GLI3: variants seen among roughly 807,000 people sequenced by gnomAD.
GLI3 encodes GLI family zinc finger 3, also known as transcription activator GLI3.
Under a neutral mutation model 100.8 loss-of-function variants are expected in GLI3, and 20 were observed. That is an observed-to-expected ratio of 0.20 (90% CI 0.14 to 0.29). The LOEUF (loss-of-function observed/expected upper bound fraction) is 0.29. Among genes scored for constraint, GLI3 ranks in the 10% least tolerant of loss-of-function variants. GLI3 has a pLI of 1.00. For missense variants in GLI3, 2,040 were observed against 2,128.5 expected (o/e 0.96, Z 0.82); for synonymous variants, 938 against 860.5 (o/e 1.09, Z -1.58).
At chr7:42,176,950 G>A (rs532947990) in intron 2 of GLI3, among the ~76,000 whole-genome samples, 2 of 152,326 alleles carry the variant, frequency 1.3e-5, no homozygotes, top group Admixed American at 1.3e-4. Context: ...ACACTAAACT[G>A]AGGAGCCAGA....
intron 3 of GLI3, among the ~76,000 whole-genome samples, chr7:42,099,506 A>G (rs1785413099): frequency 1.3e-5 from 2 of 152,202 alleles, no homozygotes. Context: ...TGCAATGAAC[A>G]TATTATATTT....
intron 2 of GLI3, among the ~76,000 whole-genome samples, chr7:42,171,853 T>A (rs1231785935): frequency 2.0e-5 from 3 of 152,152 alleles, no homozygotes; most frequent in South Asian, 2.1e-4. Flanking sequence ...TGTGCCATGA[T>A]CTGTTTTTAT....
chr7:42,153,968 T>C (rs138012699), intron 2 of GLI3, among the ~76,000 whole-genome samples: 2 of 152,066 alleles, frequency 1.3e-5, no homozygotes, highest in Admixed American at 6.5e-5. Flanking sequence ...AACTTCCCAG[T>C]ATGCTTTACT....
Position 42,101,703 on chromosome 7 carries a change from T to C in GLI3, c.368-24846A>G, listed in dbSNP as rs1045721273. Reference sequence around the variant, plus strand: ...TTATTTATTTATTTTATTATTATTATACTTTAAGTTTTAGGGTACATGTGC... The same window carrying C: ...TTATTTATTTATTTTATTATTATTACACTTTAAGTTTTAGGGTACATGTGC... On this transcript the variant is annotated intron_variant, in intron 3 of 14. Coordinates refer to ENST00000395925, the MANE Select transcript of GLI3 (RefSeq NM_000168.6). 5.9e-5 allele frequency among the ~76,000 whole-genome samples: 9 copies of C among 151,572 alleles called. No homozygotes were observed. In the South Asian group the frequency reaches 1.2e-3, roughly 21 times the overall value.
At chr7:42,150,876 C>A (rs1483950113) in intron 2 of GLI3, among the ~76,000 whole-genome samples, 1 of 152,102 alleles carries the variant, frequency 6.6e-6, no homozygotes, top group Non-Finnish European at 1.5e-5. Context: ...CCCACCATTC[C>A]CCCAACCTCT....
chr7:41,988,426 G>A (rs1260460542), intron 10 of GLI3, among the ~76,000 whole-genome samples: 1 of 127,594 alleles, frequency 7.8e-6, no homozygotes, highest in Non-Finnish European at 1.6e-5. Context: ...TCACTCCATT[G>A]CACTCCAGCC....
intron 2 of GLI3, among the ~76,000 whole-genome samples, chr7:42,202,342 TCTCTCACACACACA>T (rs1296796694): frequency 7.0e-5 from 3 of 43,048 alleles, no homozygotes; most frequent in East Asian, 1.4e-3. Context: ...TCTCTCTCTC[TCTCTCACACACACA>T]CACACACACA....
intron 2 of GLI3, among the ~76,000 whole-genome samples, chr7:42,201,813 A>G (rs1788045075): frequency 1.3e-5 from 2 of 152,124 alleles, no homozygotes; most frequent in Non-Finnish European, 2.9e-5. Flanking sequence ...GCCGGGCGCC[A>G]TGGCTCACAC....
At chr7:42,182,119 T>G (rs1041158007) in intron 2 of GLI3, among the ~76,000 whole-genome samples, 1 of 152,214 alleles carries the variant, frequency 6.6e-6, no homozygotes, top group Admixed American at 6.5e-5. Context: ...TGAGCAGCAC[T>G]GTCCAATAGC....
intron 7 of GLI3, among the ~76,000 whole-genome samples, chr7:42,032,463 C>T (rs1789320827): frequency 6.6e-6 from 1 of 152,108 alleles, no homozygotes; most frequent in Non-Finnish European, 1.5e-5. Context: ...ACACAGAGTT[C>T]ATATTGTAGA....
chr7:42,045,484 G>A lies in GLI3; in HGVS notation c.726C>T (p.Ala242=). 6.2e-7 allele frequency: 1 copy of A among 1,613,934 alleles called. No individual in the cohort carries two copies. Among genetic ancestry groups the A allele is most frequent in the Non-Finnish European group, 8.5e-7 (1 of 1,179,820 alleles). Residue 242 remains alanine, a synonymous_variant, in exon 6 of 15, where the codon GCC becomes GCT. Coordinates refer to ENST00000395925, the MANE Select transcript of GLI3 (RefSeq NM_000168.6). ...AGGGGCTGCGCTGGCCAGTTAGCAG[G>A]GCCATCTGATGATAGTATTCTGCTG... is the stretch of plus-strand genomic sequence containing the variant. ...VSPAEYYHQM[A]LLTGQRSPYA...
At position 42,085,014 on chromosome 7, in the gene GLI3, C is replaced by T. The variant is rs187365157; in HGVS notation, c.368-8157G>A. On this transcript the variant is annotated intron_variant, in intron 3 of 14. Transcript: ENST00000395925. Reference sequence around the variant, plus strand: ...GCAACCTCCACCTCCCGGGTTCAAGCGATTCTCGTGCCTCAGCCTCCCGAG... The same window carrying T: ...GCAACCTCCACCTCCCGGGTTCAAGTGATTCTCGTGCCTCAGCCTCCCGAG... 3.8e-3 allele frequency among the ~76,000 whole-genome samples: 557 copies of T among 145,340 alleles called. 2 individuals are homozygous for T. Among genetic ancestry groups the T allele is most frequent in the Middle Eastern group, 0.022 (6 of 272 alleles).
intron 3 of GLI3, among the ~76,000 whole-genome samples, chr7:42,095,613 A>G: frequency 6.6e-6 from 1 of 152,094 alleles, no homozygotes; most frequent in East Asian, 1.9e-4. Flanking sequence ...AGGTGGGCTG[A>G]CTCTAAGGTT....
chr7:41,985,857 T>C (rs1787806940), intron 10 of GLI3, among the ~76,000 whole-genome samples: 1 of 152,184 alleles, frequency 6.6e-6, no homozygotes. Context: ...AGGCCTTATA[T>C]ATCAATGTGC....
intron 1 of GLI3, among the ~76,000 whole-genome samples, chr7:42,252,691 CT>C (rs1313695845): frequency 6.6e-6 from 1 of 152,026 alleles, no homozygotes; most frequent in Non-Finnish European, 1.5e-5. Context: ...AAAGAAGATA[CT>C]AATATAAAAT....
At chr7:42,178,388 GC>G (rs775128099) in intron 2 of GLI3, among the ~76,000 whole-genome samples, 43 of 152,150 alleles carry the variant, frequency 2.8e-4, no homozygotes, top group Non-Finnish European at 5.1e-4. Context: ...GACCAGGACG[GC>G]AGATACCATG....
At chr7:42,026,167 C>G (rs763317011) in intron 8 of GLI3, 32 bp downstream of exon 8, 1 of 1,531,252 alleles carries the variant, frequency 6.5e-7, no homozygotes, top group East Asian at 2.3e-5. Context: ...GGCTGACCAG[C>G]ACGGCCGGGT....
At chr7:42,091,119 A>G (rs1238196966) in intron 3 of GLI3, among the ~76,000 whole-genome samples, 2 of 152,180 alleles carry the variant, frequency 1.3e-5, no homozygotes, top group Admixed American at 6.5e-5. Flanking sequence ...AATTCTTAGT[A>G]ATTTTTCAAC....
chr7:42,039,874 T>A (rs1046377769), intron 7 of GLI3, among the ~76,000 whole-genome samples, 164 bp downstream of exon 7: 1 of 152,370 alleles, frequency 6.6e-6, no homozygotes, highest in Middle Eastern at 3.4e-3. Flanking sequence ...TAACTGGTTT[T>A]GCAATTCATT....
Sources: allele counts gnomAD v4.1 joint callset (sites outside exome capture counted in the v4.1 genomes callset), GRCh38; gene constraint gnomAD v4.1.1; transcripts MANE v1.5; gene names NCBI Gene and HGNC (gene_info 2026-07-23, HGNC 2026-07-21).